STX6: variants seen among roughly 807,000 people sequenced by gnomAD.
The protein encoded by STX6 is syntaxin-6.
A neutral mutation model predicts 38.0 loss-of-function variants in STX6; 23 were observed. The ratio of observed to expected loss-of-function variants is 0.60; its 90% CI spans 0.43 to 0.86. The LOEUF (loss-of-function observed/expected upper bound fraction) is 0.86. Ranked by LOEUF, STX6 falls within the 40% of genes least tolerant of loss-of-function variation. STX6 has a pLI of 0.00. For missense variants in STX6, 274 were observed against 312.9 expected, an observed-to-expected ratio of 0.88 and a Z score of 0.94; for synonymous variants, 123 against 107.5, an observed-to-expected ratio of 1.14 and a Z score of -0.89.
intron 1 of STX6, among the ~76,000 whole-genome samples, chr1:181,012,432 G>C (rs1336745810): frequency 2.6e-5 from 4 of 152,076 alleles, no homozygotes; most frequent in African/African-American, 9.7e-5. Context: ...CCTCCCTGCT[G>C]TCTACAAAAC....
chr1:180,977,810 G>C (rs911810472), intron 7 of STX6, among the ~76,000 whole-genome samples: 1 of 152,128 alleles, frequency 6.6e-6, no homozygotes, highest in Non-Finnish European at 1.5e-5. Flanking sequence ...TCTCCACAAG[G>C]CAAAACATGT....
chr1:181,003,492 T>G (rs1366724186), intron 2 of STX6, among the ~76,000 whole-genome samples: 1 of 152,204 alleles, frequency 6.6e-6, no homozygotes, highest in African/African-American at 2.4e-5. Context: ...GGAAGAATTA[T>G]CTCCCTGTAA....
chr1:180,985,361 G>A (rs1655544164), intron 6 of STX6, among the ~76,000 whole-genome samples: 1 of 152,176 alleles, frequency 6.6e-6, no homozygotes, highest in African/African-American at 2.4e-5. Context: ...TGTAAAATAG[G>A]GCAATCCTAT....
At chr1:180,978,844 T>C (rs918000061) in intron 7 of STX6, among the ~76,000 whole-genome samples, 2 of 152,180 alleles carry the variant, frequency 1.3e-5, no homozygotes, top group Non-Finnish European at 2.9e-5. Flanking sequence ...CCACCCCATC[T>C]ATGGTAAAGG....
intron 3 of STX6, among the ~76,000 whole-genome samples, chr1:180,994,081 A>C (rs1003553650): frequency 7.2e-5 from 11 of 152,346 alleles, no homozygotes; most frequent in African/African-American, 2.2e-4. Context: ...TGGAATGAAA[A>C]GTGAATAGAT....
chr1:180,976,729 T>G (rs1166084690), intron 7 of STX6, 83 bp from the exon 8 acceptor site: 3 of 1,359,648 alleles, frequency 2.2e-6, no homozygotes, highest in Non-Finnish European at 3.1e-6. Flanking sequence ...ATGGCACCCT[T>G]TGAAGCAGAA....
Position 180,972,783 on chromosome 1 carries a change from G to A in STX6, c.*3787C>T. 2.8e-6 allele frequency: 1 copy of A among 360,920 alleles called. No homozygotes were observed. The highest frequency in any genetic ancestry group is 5.2e-4 in the Middle Eastern group (1 of 1,934). The allele number at this position is 360,920 out of a possible 1,614,324, so 22.4% of individuals were successfully genotyped here. A position where few individuals can be genotyped will look rare whatever the true frequency, so the allele number is the denominator to read the frequency against. On this transcript the variant is annotated 3_prime_UTR_variant, in exon 8 of 8. Transcript: ENST00000258301. Reference sequence around the variant, plus strand: ...AGACTTTTGTACATACTGTTGTCCTGAGTAACAGTATCTCTAAGCTGAGTT... The same window carrying A: ...AGACTTTTGTACATACTGTTGTCCTAAGTAACAGTATCTCTAAGCTGAGTT...
intron 1 of STX6, among the ~76,000 whole-genome samples, chr1:181,019,952 G>A: frequency 6.6e-6 from 1 of 152,084 alleles, no homozygotes; most frequent in East Asian, 1.9e-4. Flanking sequence ...CACAAGGTCA[G>A]GAGATCGAGA....
chr1:181,005,971 A>T (rs1433258746), intron 1 of STX6, among the ~76,000 whole-genome samples: 1 of 152,236 alleles, frequency 6.6e-6, no homozygotes, highest in African/African-American at 2.4e-5. Context: ...AGAAATTCTT[A>T]AACCCAAAAT....
chr1:181,002,803 A>G (rs931921609), intron 2 of STX6, 103 bp from the exon 3 acceptor site: 1 of 751,716 alleles, frequency 1.3e-6, no homozygotes, highest in African/African-American at 1.8e-5. Flanking sequence ...ATCTGGCTCA[A>G]ACTTTCTGAA....
At chr1:180,984,329 T>C (rs1439376855) in intron 7 of STX6, among the ~76,000 whole-genome samples, 2 of 152,000 alleles carry the variant, frequency 1.3e-5, no homozygotes, top group Non-Finnish European at 2.9e-5. Context: ...GCGGATCACC[T>C]GAGGTCAGGA....
chr1:181,018,604 C>T (rs1656636741), intron 1 of STX6, among the ~76,000 whole-genome samples: 1 of 151,898 alleles, frequency 6.6e-6, no homozygotes, highest in South Asian at 2.1e-4. Flanking sequence ...ATAATACCTA[C>T]TTCATAAGGA....
At chr1:180,976,681 G>C in intron 7 of STX6, 35 bp from the exon 8 acceptor site, 1 of 1,587,668 alleles carries the variant, frequency 6.3e-7, no homozygotes, top group Non-Finnish European at 8.6e-7. Context: ...GCTCTCACAG[G>C]GACTCCACAT....
rs1449121628 is a variant in STX6, at chr1:180,990,719, T to TGACCACAAG, written c.364-619_364-611dup. Among the ~76,000 whole-genome samples, 3 of 152,312 alleles carry TGACCACAAG rather than the reference T, an allele frequency of 2.0e-5. No homozygotes were observed. In the South Asian group the frequency reaches 6.2e-4, roughly 32 times the overall value. On this transcript the variant is annotated intron_variant, in intron 4 of 7. Coordinates refer to ENST00000258301, the MANE Select transcript of STX6 (RefSeq NM_005819.6). ...CTGGGGGTTACTTTACAGGCAGGTA[T>TGACCACAAG]GACCACAAGGAATGCCTGACCCTGG... is the stretch of plus-strand genomic sequence containing the variant.
At chr1:181,000,875 CAAA>C (rs34045263) in intron 3 of STX6, among the ~76,000 whole-genome samples, 8 of 72,624 alleles carry the variant, frequency 1.1e-4, no homozygotes, top group Admixed American at 3.1e-4. Context: ...CCTACTACTA[CAAA>C]AAAAAAAAAA....
chr1:181,015,320 T>G (rs536113924), intron 1 of STX6, among the ~76,000 whole-genome samples: 1 of 152,288 alleles, frequency 6.6e-6, no homozygotes, highest in East Asian at 1.9e-4. Flanking sequence ...CTACAAAACA[T>G]AATGTATTCA....
intron 2 of STX6, among the ~76,000 whole-genome samples, chr1:181,004,966 G>GTT (rs1344719680): frequency 7.0e-6 from 1 of 142,804 alleles, no homozygotes; most frequent in African/African-American, 2.6e-5. Context: ...GAAAAAAAGG[G>GTT]TTTTTTTTTT....
intron 3 of STX6, among the ~76,000 whole-genome samples, chr1:180,999,793 T>C (rs1192563924): frequency 6.6e-6 from 1 of 152,102 alleles, no homozygotes; most frequent in African/African-American, 2.4e-5. Flanking sequence ...GAAAGCCCAC[T>C]AGTAATAGTA....
chr1:180,997,455 A>G (rs1655945733), intron 3 of STX6, among the ~76,000 whole-genome samples: 1 of 152,232 alleles, frequency 6.6e-6, no homozygotes, highest in African/African-American at 2.4e-5. Context: ...TAAGTTCTGT[A>G]AACTCTAAAT....
Sources: allele counts gnomAD v4.1 joint callset (sites outside exome capture counted in the v4.1 genomes callset), GRCh38; gene constraint gnomAD v4.1.1; transcripts MANE v1.5; gene names NCBI Gene and HGNC (gene_info 2026-07-23, HGNC 2026-07-21).